Variants in CDKAL1 observed in about 807,000 individuals in gnomAD.
The protein encoded by CDKAL1 is threonylcarbamoyladenosine tRNA methylthiotransferase.
CDKAL1 carries 32 observed loss-of-function variants against 68.2 expected under a neutral mutation model. That is an observed-to-expected ratio of 0.47 (90% CI 0.35 to 0.63). CDKAL1 has a LOEUF of 0.63. Ranked by LOEUF, CDKAL1 falls within the 30% of genes least tolerant of loss-of-function variation. The pLI is 0.00. For missense variants in CDKAL1, 606 were observed against 696.7 expected (o/e 0.87, Z 1.47); for synonymous variants, 234 against 244.3 (o/e 0.96, Z 0.39).
chr6:20,703,461 A>C (rs1409880725), intron 5 of CDKAL1, among the ~76,000 whole-genome samples: 1 of 152,214 alleles, frequency 6.6e-6, no homozygotes, highest in Admixed American at 6.5e-5. Context: ...AGGAAAAAAA[A>C]ACCCAACTCT....
chr6:20,890,607 T>C (rs1175870904), intron 9 of CDKAL1, among the ~76,000 whole-genome samples: 6 of 152,242 alleles, frequency 3.9e-5, no homozygotes, highest in African/African-American at 1.4e-4. Context: ...GTTTTCTCTC[T>C]TGAGCTCTCT....
rs1763086175 is a variant in CDKAL1 at position 20,534,468 on chromosome 6, G to T, written c.-156G>T. On this transcript the variant is annotated 5_prime_UTR_variant, in exon 1 of 16. Coordinates refer to ENST00000274695, the MANE Select transcript of CDKAL1 (RefSeq NM_017774.3). Reference sequence around the variant, plus strand: ...CGCTGAGCATGCGCAAATAAACGTGGCGGGACGTATGTGTCATGGCGCTCT... The same window carrying T: ...CGCTGAGCATGCGCAAATAAACGTGTCGGGACGTATGTGTCATGGCGCTCT... 1 of 152,752 alleles carries T rather than the reference G, an allele frequency of 6.5e-6. No individual in the cohort carries two copies. The highest frequency in any genetic ancestry group is 6.5e-5 in the Admixed American group (1 of 15,272). The allele number at this position is 152,752 out of a possible 1,614,324, so 9.5% of individuals were successfully genotyped here. A position where few individuals can be genotyped will look rare whatever the true frequency, so the allele number is the denominator to read the frequency against.
At chr6:21,205,470 C>CTTTTGTTTTGTTTTGTTTTGTTCTG (rs1778868783) in intron 15 of CDKAL1, among the ~76,000 whole-genome samples, 1 of 151,828 alleles carries the variant, frequency 6.6e-6, no homozygotes, top group African/African-American at 2.4e-5. Flanking sequence ...CTTATTTTCT[C>CTTTTGTTTTGTTTTGTTTTGTTCTG]TTTTGTTTTG....
At chr6:20,909,545 A>G (rs1199180363) in intron 9 of CDKAL1, among the ~76,000 whole-genome samples, 1 of 152,224 alleles carries the variant, frequency 6.6e-6, no homozygotes, top group East Asian at 1.9e-4. Context: ...TTTATTTAAA[A>G]TCAGCATAAA....
intron 10 of CDKAL1, among the ~76,000 whole-genome samples, chr6:20,989,965 C>T (rs928379720): frequency 2.0e-5 from 3 of 151,990 alleles, no homozygotes; most frequent in Admixed American, 6.6e-5. Context: ...AAAATAGGCT[C>T]GGCGTGGTGG....
In CDKAL1 at chr6:20,598,657, G is replaced by A. The variant is rs896652397; in HGVS notation, c.286+49952G>A. Among the ~76,000 whole-genome samples, 4 of 152,100 alleles carry A rather than the reference G, an allele frequency of 2.6e-5. No individual in the cohort carries two copies. In the South Asian group the frequency reaches 6.2e-4, roughly 24 times the overall value. On this transcript the variant is annotated intron_variant, in intron 4 of 15. Coordinates refer to ENST00000274695, the MANE Select transcript of CDKAL1 (RefSeq NM_017774.3). ...AGGATCAAATTAAACATTTCAAGTA[G>A]CTAATTTTATCAGCTCTTAATAATT...
intron 8 of CDKAL1, among the ~76,000 whole-genome samples, chr6:20,788,943 A>G (rs10498698): frequency 0.1 from 15,738 of 152,068 alleles, 881 homozygotes; most frequent in South Asian, 0.13. Flanking sequence ...CACAGTATTC[A>G]CTCCATAAAT....
chr6:21,120,878 G>C (rs2151007884), intron 13 of CDKAL1, among the ~76,000 whole-genome samples: 1 of 152,238 alleles, frequency 6.6e-6, no homozygotes, highest in Non-Finnish European at 1.5e-5. Flanking sequence ...AGTGGCATCT[G>C]ATGTTTTTGG....
At chr6:20,994,801 C>T (rs1325316016) in intron 10 of CDKAL1, among the ~76,000 whole-genome samples, 1 of 152,060 alleles carries the variant, frequency 6.6e-6, no homozygotes, top group African/African-American at 2.4e-5. Flanking sequence ...AAAAAATGAG[C>T]CTTCAGCGAG....
chr6:21,198,246 A>G (rs1364256504), intron 14 of CDKAL1, 142 bp downstream of exon 14: 5 of 571,906 alleles, frequency 8.7e-6, no homozygotes, highest in Non-Finnish European at 1.5e-5. Context: ...CCAGGCTAAC[A>G]TGGACTTTAT....
chr6:20,707,488 G>A (rs1432396354), intron 5 of CDKAL1, among the ~76,000 whole-genome samples: 3 of 152,124 alleles, frequency 2.0e-5, no homozygotes, highest in African/African-American at 7.2e-5. Flanking sequence ...AAGAAATCTA[G>A]GTAATATTTG....
intron 4 of CDKAL1, among the ~76,000 whole-genome samples, chr6:20,627,866 C>G (rs180985815): frequency 6.6e-6 from 1 of 152,078 alleles, no homozygotes; most frequent in African/African-American, 2.4e-5. Flanking sequence ...ATTGGAATGG[C>G]ATTTGCCTTT....
intron 8 of CDKAL1, among the ~76,000 whole-genome samples, chr6:20,836,667 A>T (rs1006748042): frequency 2.0e-5 from 3 of 152,140 alleles, no homozygotes; most frequent in Admixed American, 1.3e-4. Flanking sequence ...TGAAAACAGC[A>T]CAATTCTTTA....
At chr6:20,712,684 G>A (rs1357621188) in intron 5 of CDKAL1, among the ~76,000 whole-genome samples, 2 of 151,354 alleles carry the variant, frequency 1.3e-5, no homozygotes, top group Non-Finnish European at 2.9e-5. Context: ...TCACTCTGTC[G>A]CCCATGCTGG....
rs183254787 is a variant in CDKAL1 at position 20,955,322 on chromosome 6, T to C, written c.743-97T>C. The C allele has an allele frequency of 4.3e-5, 52 of 1,221,030 alleles. No individual in the cohort carries two copies. The East Asian group carries it at 7.7e-4, about 18-fold the overall frequency. 75.6% of individuals were successfully genotyped at this position (1,221,030 alleles called of 1,614,324 possible). A position where few individuals can be genotyped will look rare whatever the true frequency, so the allele number is the denominator to read the frequency against. On this transcript the variant is annotated intron_variant, in intron 9 of 15. Transcript: ENST00000274695. ...TTGAATACCCAGACTGCCTGAATAATAGTGTTGAGAAATACTGCATTAAAA... is the reference window on the plus strand; with the variant it reads ...TTGAATACCCAGACTGCCTGAATAACAGTGTTGAGAAATACTGCATTAAAA...
At chr6:20,741,268 T>A (rs180769078) in intron 6 of CDKAL1, among the ~76,000 whole-genome samples, 55 of 151,254 alleles carry the variant, frequency 3.6e-4, no homozygotes, top group African/African-American at 1.3e-3. Flanking sequence ...CAGATAAACA[T>A]TTTTTTTTCT....
In CDKAL1 at chr6:20,587,096, C is replaced by T. The variant is rs182993120; in HGVS notation, c.286+38391C>T. Among the ~76,000 whole-genome samples the T allele has an allele frequency of 3.4e-3, 491 of 145,128 alleles. 4 individuals are homozygous for T. The highest frequency in any genetic ancestry group is 0.012 in the African/African-American group (470 of 39,376). ...CTACCTCCCGGGTTCAAGTGATTCT[C>T]TTGCCCCAGCCTCCTGAGTAGCTGA... On this transcript the variant is annotated intron_variant, in intron 4 of 15. Coordinates refer to ENST00000274695, the MANE Select transcript of CDKAL1 (RefSeq NM_017774.3).
intron 6 of CDKAL1, 40 bp downstream of exon 6, chr6:20,739,655 T>C (rs1320422067): frequency 2.7e-6 from 3 of 1,097,472 alleles, no homozygotes; most frequent in Non-Finnish European, 4.1e-6. Flanking sequence ...AATCTTACAT[T>C]GTTAACACCT....
intron 5 of CDKAL1, among the ~76,000 whole-genome samples, chr6:20,730,972 G>T (rs1168029620): frequency 1.3e-5 from 2 of 152,270 alleles, no homozygotes; most frequent in South Asian, 2.1e-4. Flanking sequence ...ATGAAGGAAA[G>T]TGAGCCATGT....
Sources: allele counts gnomAD v4.1 joint callset (sites outside exome capture counted in the v4.1 genomes callset), GRCh38; gene constraint gnomAD v4.1.1; transcripts MANE v1.5; gene names NCBI Gene and HGNC (gene_info 2026-07-23, HGNC 2026-07-21).